The following SLC30A10 variants were observed in gnomAD, a reference collection of about 807,000 sequenced individuals.
SLC30A10 encodes calcium/manganese antiporter SLC30A10.
In SLC30A10, 8 loss-of-function variants were observed where a neutral mutation model predicts 21.7. That is an observed-to-expected ratio of 0.37 (90% CI 0.22 to 0.67). The LOEUF (loss-of-function observed/expected upper bound fraction) is 0.67. Ranked by LOEUF, SLC30A10 falls within the 30% of genes least tolerant of loss-of-function variation. The pLI, the probability that SLC30A10 is intolerant of heterozygous loss-of-function variation, is 0.58. For missense variants in SLC30A10, 521 were observed against 642.5 expected (o/e 0.81, Z 2.04); for synonymous variants, 272 against 279.4 (o/e 0.97, Z 0.26).
chr1:219,917,708 C>CTTTTTTTTTTTTTTTTTTTTTTTTTTTT, intron 3 of SLC30A10, among the ~76,000 whole-genome samples: 1 of 104,106 alleles, frequency 9.6e-6, no homozygotes, highest in Non-Finnish European at 1.9e-5. Context: ...TTTTTCTTTC[C>CTTTTTTTTTTTTTTTTTTTTTTTTTTTT]TTTTTTTTTT....
At chr1:219,931,761 G>A (rs1057439093), upstream of SLC30A10, among the ~76,000 whole-genome samples, 7 of 152,132 alleles carry the variant, frequency 4.6e-5, no homozygotes, top group South Asian at 2.1e-4. Context: ...TATTATAGGC[G>A]TGAGCCACCA....
intron 1 of SLC30A10, among the ~76,000 whole-genome samples, chr1:219,947,760 G>A (rs923317279): frequency 3.3e-5 from 5 of 152,086 alleles, no homozygotes; most frequent in Non-Finnish European, 5.9e-5. Flanking sequence ...AACCCGGGGG[G>A]CAGAGGTTGC....
intron 3 of SLC30A10, among the ~76,000 whole-genome samples, chr1:219,917,227 G>A (rs1659565632): frequency 6.6e-6 from 1 of 152,064 alleles, no homozygotes; most frequent in Non-Finnish European, 1.5e-5. Context: ...CTGGCCTTAT[G>A]CAATCCTTCC....
chr1:219,925,395 G>T (rs765189761), intron 2 of SLC30A10, among the ~76,000 whole-genome samples: 1 of 151,272 alleles, frequency 6.6e-6, no homozygotes, highest in Non-Finnish European at 1.5e-5. Flanking sequence ...TCAGCCAGGC[G>T]TGGTGGTGCG....
chr1:219,951,643 C>T (rs1388416704), intron 1 of SLC30A10, among the ~76,000 whole-genome samples: 1 of 151,828 alleles, frequency 6.6e-6, no homozygotes, highest in Admixed American at 6.6e-5. Flanking sequence ...ATGGCGTGAA[C>T]CCAGGAGGCG....
chr1:219,911,449 G>A lies in SLC30A10; in HGVS notation c.*4000C>T, dbSNP rs983484481. On this transcript the variant is annotated 3_prime_UTR_variant, in exon 4 of 4. Coordinates refer to ENST00000366926, the MANE Select transcript of SLC30A10 (RefSeq NM_018713.3). The stretch of plus-strand genomic sequence containing the variant: ...CATCTCAACCCCATGAATCAATTGT[G>A]CTGATAACTATCCAGTCTCATTGGA... 6.6e-6 allele frequency among the ~76,000 whole-genome samples: 1 copy of A among 151,924 alleles called. No homozygotes were observed. Among genetic ancestry groups the A allele is most frequent in the Non-Finnish European group, 1.5e-5 (1 of 68,020 alleles).
chr1:219,928,426 A>G lies in SLC30A10; in HGVS notation c.15T>C (p.Ser5=), dbSNP rs1386734675. Residue 5 remains serine, a synonymous_variant, in exon 1 of 4, where the codon TCT becomes TCC. Transcript: ENST00000366926. The surrounding 1 kb of genome is among the most constrained non-coding windows in gnomAD (Gnocchi z 6.3). The part of the protein sequence containing the change: MGRY[S]GKTCRLLFML... Reference sequence around the variant, plus strand: ...TGAAGAGCAGCCGGCACGTCTTGCCAGAGTAGCGGCCCATCTCGCCACCAG... The same window carrying G: ...TGAAGAGCAGCCGGCACGTCTTGCCGGAGTAGCGGCCCATCTCGCCACCAG... 1.2e-6 allele frequency: 2 copies of G among 1,610,942 alleles called. No homozygotes were observed. Among genetic ancestry groups the G allele is most frequent in the Non-Finnish European group, 1.7e-6 (2 of 1,178,928 alleles).
Position 219,915,655 on chromosome 1 carries a change from CG to C in SLC30A10, c.1251del (p.Ala419HisfsTer19), listed in dbSNP as rs757727959. 6.2e-7 allele frequency: 1 copy of C among 1,614,190 alleles called. No individual in the cohort carries two copies. The highest frequency in any genetic ancestry group is 2.2e-5 in the East Asian group (1 of 44,890). ...KGCAKQLCCP[P>X]GALPLAHVNG... Reference sequence around the variant, plus strand: ...TTGACGTGAGCCAGAGGCAGTGCCCCGGGGGGACAACACAGCTGCTTAGCAC... The same window carrying C: ...TTGACGTGAGCCAGAGGCAGTGCCCCGGGGGACAACACAGCTGCTTAGCAC... On this transcript the variant is annotated frameshift_variant, in exon 4 of 4. Coordinates refer to ENST00000366926, the MANE Select transcript of SLC30A10 (RefSeq NM_018713.3). LOFTEE classifies it low-confidence loss of function (END_TRUNC).
Position 219,910,731 on chromosome 1 carries a change from C to T in SLC30A10, c.*4718G>A, listed in dbSNP as rs1400897268. Among the ~76,000 whole-genome samples the T allele has an allele frequency of 6.6e-6, 1 of 152,180 alleles. No individual in the cohort carries two copies. The highest frequency in any genetic ancestry group is 1.5e-5 in the Non-Finnish European group (1 of 68,034). On this transcript the variant is annotated 3_prime_UTR_variant, in exon 4 of 4. Coordinates refer to ENST00000366926, the MANE Select transcript of SLC30A10 (RefSeq NM_018713.3). ...TGAAAATCATCCTTTCCGGATTGTT[C>T]TCATTAGAGTGCAGAGTAGGTGCAG...
At chr1:219,924,211 T>C (rs981789381) in intron 2 of SLC30A10, among the ~76,000 whole-genome samples, 1 of 152,250 alleles carries the variant, frequency 6.6e-6, no homozygotes, top group Non-Finnish European at 1.5e-5. Context: ...GACACAGTCC[T>C]GCTTTCTAAA....
intron 1 of SLC30A10, 146 bp downstream of exon 1, chr1:219,927,655 A>T (rs1439572788): frequency 1.8e-6 from 1 of 570,836 alleles, no homozygotes; most frequent in African/African-American, 5.3e-5. Flanking sequence ...AAAAAAAAAA[A>T]AAAAAAAAAA....
At position 219,914,001 on chromosome 1, in the gene SLC30A10, A is replaced by T. The variant is rs1279693680; in HGVS notation, c.*1448T>A. ...GCCTTCAAATTTAGGACTAAGATAC[A>T]TTGTTTAAATATGATGTTTGTTCTG... is the stretch of plus-strand genomic sequence containing the variant. On this transcript the variant is annotated 3_prime_UTR_variant, in exon 4 of 4. Coordinates refer to ENST00000366926, the MANE Select transcript of SLC30A10 (RefSeq NM_018713.3). 1 of 140,764 alleles carries T rather than the reference A, an allele frequency of 7.1e-6. No individual in the cohort carries two copies. Among genetic ancestry groups the T allele is most frequent in the African/African-American group, 2.7e-5 (1 of 36,876 alleles). The allele number at this position is 140,764 out of a possible 1,614,324, so 8.7% of individuals were successfully genotyped here.
chr1:219,957,355 G>C (rs954313697), intron 1 of SLC30A10, among the ~76,000 whole-genome samples: 1 of 152,106 alleles, frequency 6.6e-6, no homozygotes, highest in Non-Finnish European at 1.5e-5. Context: ...CAAAGACAGG[G>C]AATCAAATAA....
At chr1:219,933,706 A>G (rs754859203) in intron 1 of SLC30A10, among the ~76,000 whole-genome samples, 3 of 152,180 alleles carry the variant, frequency 2.0e-5, no homozygotes, top group Non-Finnish European at 4.4e-5. Context: ...CCAAGTTTAG[A>G]GAGACAGCAG....
rs1226743445 is a variant in SLC30A10, at chr1:219,938,549, G to A, written n.81-11444C>T. The stretch of plus-strand genomic sequence containing the variant: ...TGGGGCAGGTTTTGCCCTGTGGAGG[G>A]AGGCCTGGGACTGGGTGAGGAAGTT... On this transcript the variant is annotated intron_variant and non_coding_transcript_variant, in intron 1 of 8. Coordinates refer to the SLC30A10 transcript ENST00000484239. 4.6e-5 allele frequency among the ~76,000 whole-genome samples: 7 copies of A among 152,214 alleles called. No individual in the cohort carries two copies. The South Asian group carries it at 1.0e-3, about 23-fold the overall frequency.
chr1:219,920,420 G>A (rs6676480), intron 2 of SLC30A10, among the ~76,000 whole-genome samples: 142 of 152,228 alleles, frequency 9.3e-4, no homozygotes, highest in African/African-American at 3.2e-3. Flanking sequence ...TGTTTACTGC[G>A]TGAGACAGTC....
chr1:219,922,176 GTTTTTTTTTTTTT>G (rs869249213), intron 2 of SLC30A10, among the ~76,000 whole-genome samples: 787 of 36,450 alleles, frequency 0.022, 133 homozygotes, highest in African/African-American at 0.08. Context: ...GTGTGTGTGT[GTTTTTTTTTTTTT>G]TTTTTTTTTT....
chr1:219,932,456 T>A (rs1018214603), upstream of SLC30A10, among the ~76,000 whole-genome samples: 25 of 152,064 alleles, frequency 1.6e-4, no homozygotes, highest in African/African-American at 5.8e-4. Flanking sequence ...TGTAAAAGCA[T>A]CTGTTTTTGT....
intron 1 of SLC30A10, 122 bp from the exon 2 acceptor site, chr1:219,927,227 T>C: frequency 2.1e-6 from 2 of 949,418 alleles, no homozygotes; most frequent in Non-Finnish European, 3.3e-6. Context: ...GAGACCCTTC[T>C]GCACACCCAC....
Sources: allele counts gnomAD v4.1 joint callset (sites outside exome capture counted in the v4.1 genomes callset), GRCh38; gene constraint gnomAD v4.1.1; non-coding constraint Gnocchi (gnomAD v3.1); transcripts MANE v1.5; gene names NCBI Gene and HGNC (gene_info 2026-07-23, HGNC 2026-07-21).